Variants in AHRR observed in about 807,000 individuals in gnomAD.
AHRR encodes ahR repressor.
A neutral mutation model predicts 44.0 loss-of-function variants in AHRR; 28 were observed. That is an observed-to-expected ratio of 0.64 (90% confidence interval 0.47 to 0.87). AHRR has a LOEUF of 0.87. Among genes scored for constraint, AHRR ranks in the 40% least tolerant of loss-of-function variants. The pLI is 0.00. For missense variants in AHRR, 990 were observed against 953.9 expected, an observed-to-expected ratio of 1.04 and a Z score of -0.50; for synonymous variants, 434 against 407.0, an observed-to-expected ratio of 1.07 and a Z score of -0.80.
chr5:374,039 G>A (rs1743685272), intron 3 of AHRR, among the ~76,000 whole-genome samples: 1 of 152,098 alleles, frequency 6.6e-6, no homozygotes, highest in Admixed American at 6.5e-5. Flanking sequence ...CCGGGTCCGC[G>A]GGGCGCATTG....
At chr5:345,523 AGAT>A (rs1283126390) in intron 2 of AHRR, among the ~76,000 whole-genome samples, 1 of 105,484 alleles carries the variant, frequency 9.5e-6, no homozygotes, top group Non-Finnish European at 1.8e-5. Flanking sequence ...TGTGTGTGTC[AGAT>A]GATGTCTCTG....
rs1560902486 is a variant in AHRR at position 387,949 on chromosome 5, C to CAAAG, written c.351+11233_351+11234insAAAG. 5.6e-4 allele frequency among the ~76,000 whole-genome samples: 86 copies of CAAAG among 152,234 alleles called. No individual in the cohort carries two copies. Among genetic ancestry groups the CAAAG allele is most frequent in the Admixed American group, 1.5e-3 (23 of 15,298 alleles). The stretch of plus-strand genomic sequence containing the variant: ...GGGGAGAGTGTACTCCACACCCCCT[C>CAAAG]GCTTCTGGAATGTTCTTCTTGTGAA... On this transcript the variant is annotated intron_variant, in intron 4 of 10. Transcript: ENST00000684583. This position sits in a 1 kb window ranked among gnomAD's most constrained non-coding sequence, Gnocchi z 5.1.
Position 423,910 on chromosome 5 carries a change from C to T in AHRR, c.641C>T (p.Ser214Leu), listed in dbSNP as rs1243610648. ...GGCACAGGCACGCCCACCGAGTACTCGGCCTTCCTGACCCGCTGCTTCATC... is the reference window on the plus strand; with the variant it reads ...GGCACAGGCACGCCCACCGAGTACTTGGCCTTCCTGACCCGCTGCTTCATC... ...EWGTGTPTEYSAFLTRCFICR... is the reference protein window; with the variant it reads ...EWGTGTPTEYLAFLTRCFICR... The change falls in exon 7 of 11, where the codon TCG (serine) becomes TTG (leucine). Residue 214 changes from serine to leucine, a missense_variant. By Grantham distance (145) the Ser-to-Leu change is moderately radical (BLOSUM62 -2). Coordinates refer to ENST00000684583, the MANE Select transcript of AHRR (RefSeq NM_001377236.1). 12 of 1,603,908 alleles carry T rather than the reference C, an allele frequency of 7.5e-6. No individual in the cohort carries two copies. The highest frequency in any genetic ancestry group is 2.7e-5 in the African/African-American group (2 of 74,934).
At chr5:340,688 A>ATATTT (rs1269938749) in intron 1 of AHRR, among the ~76,000 whole-genome samples, 3 of 12,926 alleles carry the variant, frequency 2.3e-4, no homozygotes, top group East Asian at 3.5e-3. Flanking sequence ...ATATATATAT[A>ATATTT]TTTTTTTTTT....
chr5:428,075 CAG>C, intron 8 of AHRR, 69 bp downstream of exon 8: 11 of 1,486,714 alleles, frequency 7.4e-6, no homozygotes, highest in Non-Finnish European at 1.0e-5. Flanking sequence ...CCTCCACACT[CAG>C]TGTTTTCTGT....
At position 436,329 on chromosome 5, in the gene AHRR, C is replaced by T. The variant is rs1737064457; in HGVS notation, c.*1495C>T. On this transcript the variant is annotated 3_prime_UTR_variant, in exon 11 of 11. Coordinates refer to ENST00000684583, the MANE Select transcript of AHRR (RefSeq NM_001377236.1). ...TCTGCCTCCTGTGTGGACGCCCTCTCTGTTGTCAGTGGCTTTGAGGTGTCA... is the reference window on the plus strand; with the variant it reads ...TCTGCCTCCTGTGTGGACGCCCTCTTTGTTGTCAGTGGCTTTGAGGTGTCA... 6.6e-6 allele frequency: 1 copy of T among 152,352 alleles called. No individual in the cohort carries two copies. Among genetic ancestry groups the T allele is most frequent in the Non-Finnish European group, 1.5e-5 (1 of 68,130 alleles). The allele number at this position is 152,352 out of a possible 1,614,324, so 9.4% of individuals were successfully genotyped here. A position where few individuals can be genotyped will look rare whatever the true frequency, so the allele number is the denominator to read the frequency against.
At position 353,711 on chromosome 5, in the gene AHRR, C is replaced by T; in HGVS notation, c.63-19C>T. 1 of 1,595,780 alleles carries T rather than the reference C, an allele frequency of 6.3e-7. No homozygotes were observed. Among genetic ancestry groups the T allele is most frequent in the Non-Finnish European group, 8.5e-7 (1 of 1,173,898 alleles). On this transcript the variant is annotated intron_variant, in intron 2 of 10. Coordinates refer to ENST00000684583, the MANE Select transcript of AHRR (RefSeq NM_001377236.1). Reference sequence around the variant, plus strand: ...CTTCTGGTGGAGAAGCCCACCTGACCCAGACCATCTCCCCACAGGAGGCCC... The same window carrying T: ...CTTCTGGTGGAGAAGCCCACCTGACTCAGACCATCTCCCCACAGGAGGCCC...
chr5:421,854 T>A (rs1309044878), intron 5 of AHRR, among the ~76,000 whole-genome samples: 1 of 152,160 alleles, frequency 6.6e-6, no homozygotes, highest in Non-Finnish European at 1.5e-5. Flanking sequence ...TTAGTTACAT[T>A]CCTCTGAAGT....
intron 5 of AHRR, among the ~76,000 whole-genome samples, chr5:415,337 T>TCGGGCGGGAGGCCTA (rs1560915672): frequency 1.3e-4 from 19 of 147,864 alleles, no homozygotes; most frequent in Non-Finnish European, 1.8e-4. Context: ...ATCTGCCTGG[T>TCGGGCGGGAGGCCTA]GGGGCGGGAG....
intron 4 of AHRR, among the ~76,000 whole-genome samples, chr5:394,771 G>A (rs1338744023): frequency 6.6e-6 from 1 of 152,254 alleles, no homozygotes; most frequent in Non-Finnish European, 1.5e-5. Flanking sequence ...GGCTGGCCCT[G>A]GTTGCGTGGA....
intron 4 of AHRR, among the ~76,000 whole-genome samples, chr5:399,158 C>T (rs1018756331): frequency 7.9e-5 from 12 of 152,234 alleles, no homozygotes; most frequent in Non-Finnish European, 1.8e-4. Flanking sequence ...AGAGGGACGG[C>T]CCAGGCCAAC....
In AHRR at chr5:421,124, G is replaced by A. The variant is rs562179589; in HGVS notation, c.442-1605G>A. The stretch of plus-strand genomic sequence containing the variant: ...AGAAGGTGCAGCGGCTGGAGCGTTC[G>A]CGCCTTAACTGGAAGAGGAGCCGCC... On this transcript the variant is annotated intron_variant, in intron 5 of 10. Transcript: ENST00000684583. 14 of 555,402 alleles carry A rather than the reference G, an allele frequency of 2.5e-5. No homozygotes were observed. The Middle Eastern group carries it at 1.9e-3, about 74-fold the overall frequency. 34.4% of individuals were successfully genotyped at this position (555,402 alleles called of 1,614,324 possible).
chr5:421,796 C>G (rs1736137345), intron 5 of AHRR, among the ~76,000 whole-genome samples: 2 of 152,218 alleles, frequency 1.3e-5, no homozygotes, highest in Admixed American at 1.3e-4. Context: ...CCCGCAGGTC[C>G]TTGCCATTGG....
chr5:420,536 TCACACCA>T (rs1736029040), intron 5 of AHRR, among the ~76,000 whole-genome samples: 1 of 152,168 alleles, frequency 6.6e-6, no homozygotes, highest in Non-Finnish European at 1.5e-5. Context: ...GAGTCCTGGC[TCACACCA>T]CAGACAGCTT....
rs1734658705 is a variant in AHRR at position 395,459 on chromosome 5, T to G, written c.352-17885T>G. ...CTCACCAGTTCCCTGAAACAGAGCTTCTCAGCTCCAGGACTGGACAGGCAG... is the reference window on the plus strand; with the variant it reads ...CTCACCAGTTCCCTGAAACAGAGCTGCTCAGCTCCAGGACTGGACAGGCAG... On this transcript the variant is annotated intron_variant, in intron 4 of 10. Coordinates refer to ENST00000684583, the MANE Select transcript of AHRR (RefSeq NM_001377236.1). The surrounding 1 kb of genome is among the most constrained non-coding windows in gnomAD (Gnocchi z 5.3). 6.6e-6 allele frequency among the ~76,000 whole-genome samples: 1 copy of G among 152,146 alleles called. No homozygotes were observed. The highest frequency in any genetic ancestry group is 6.5e-5 in the Admixed American group (1 of 15,278).
At chr5:343,257 A>G (rs188423010) in intron 1 of AHRR, among the ~76,000 whole-genome samples, 1,277 of 122,616 alleles carry the variant, frequency 0.01, 3 homozygotes, top group Non-Finnish European at 0.012. Flanking sequence ...TCGGGGTGAC[A>G]GGAACACGGG....
Position 370,149 on chromosome 5 carries a change from C to T in AHRR, c.245-6461C>T, listed in dbSNP as rs1019327808. On this transcript the variant is annotated intron_variant, in intron 3 of 10. Transcript: ENST00000684583. The surrounding 1 kb of genome is among the most constrained non-coding windows in gnomAD (Gnocchi z 4.5). Reference sequence around the variant, plus strand: ...TCCCGGGCCCTCGCTGGTGCCCCGTCCTCCCGGGCCCTCGCTGGAAGCCCC... The same window carrying T: ...TCCCGGGCCCTCGCTGGTGCCCCGTTCTCCCGGGCCCTCGCTGGAAGCCCC... 6.8e-6 allele frequency among the ~76,000 whole-genome samples: 1 copy of T among 147,660 alleles called. No individual in the cohort carries two copies. Among genetic ancestry groups the T allele is most frequent in the Non-Finnish European group, 1.5e-5 (1 of 66,536 alleles).
chr5:427,249 T>G (rs561664570), intron 7 of AHRR, among the ~76,000 whole-genome samples: 1 of 152,368 alleles, frequency 6.6e-6, no homozygotes, highest in African/African-American at 2.4e-5. Context: ...TGTAGAGAGA[T>G]ATTTTATTTT....
chr5:335,926 C>T (rs1411084162), intron 1 of AHRR, among the ~76,000 whole-genome samples: 2 of 152,222 alleles, frequency 1.3e-5, no homozygotes, highest in Non-Finnish European at 2.9e-5. Context: ...GCAGCCCATG[C>T]TACACTTGCC....
Sources: allele counts gnomAD v4.1 joint callset (sites outside exome capture counted in the v4.1 genomes callset), GRCh38; gene constraint gnomAD v4.1.1; non-coding constraint Gnocchi (gnomAD v3.1); transcripts MANE v1.5; gene names NCBI Gene and HGNC (gene_info 2026-07-23, HGNC 2026-07-21).